CEP350: variants seen among roughly 807,000 people sequenced by gnomAD.
CEP350 encodes centrosomal protein 350, also known as centrosome-associated protein 350.
Under a neutral mutation model 331.8 loss-of-function variants are expected in CEP350, and 126 were observed. The ratio of observed to expected loss-of-function variants is 0.38; its 90% CI spans 0.33 to 0.44. The LOEUF is 0.44. CEP350 is among the 20% of genes least tolerant of loss of function. The pLI is 1.00. For synonymous variants in CEP350, 1,200 were observed against 1,259.5 expected, an observed-to-expected ratio of 0.95 and a Z score of 1.00; for missense variants, 3,406 against 3,634.6, an observed-to-expected ratio of 0.94 and a Z score of 1.62.
chr1:180,074,972 T>C (rs1379979797), intron 27 of CEP350, 50 bp from the exon 28 acceptor site: 15 of 1,490,532 alleles, frequency 1.0e-5, no homozygotes, highest in Middle Eastern at 1.8e-4. Flanking sequence ...CAAAGTGATC[T>C]CTGCATATAG....
intron 1 of CEP350, among the ~76,000 whole-genome samples, chr1:179,961,625 CTAACGTCCAGCTT>C (rs1650632433): frequency 6.6e-6 from 1 of 152,076 alleles, no homozygotes; most frequent in Non-Finnish European, 1.5e-5. Context: ...TGGTTGACTC[CTAACGTCCAGCTT>C]TAATACGGTT....
chr1:180,006,621 A>G (rs1163836420), intron 8 of CEP350, 54 bp downstream of exon 8: 1 of 895,266 alleles, frequency 1.1e-6, no homozygotes, highest in African/African-American at 1.7e-5. Flanking sequence ...TAATGTTTTC[A>G]TTATACTTTA....
Position 180,075,313 on chromosome 1 carries a change from G to A in CEP350, c.5767+92G>A, listed in dbSNP as rs115938547. The A allele has an allele frequency of 5.6e-4, 717 of 1,287,686 alleles. No individual in the cohort carries two copies. In the African/African-American group the frequency reaches 9.5e-3, roughly 17 times the overall value. 79.8% of individuals were successfully genotyped at this position (1,287,686 alleles called of 1,614,324 possible). ...TACTTTTAAAAATGCGAGGCTGGGCGCAGTGGCTCACGCCTGTAATCCTAA... is the reference window on the plus strand; with the variant it reads ...TACTTTTAAAAATGCGAGGCTGGGCACAGTGGCTCACGCCTGTAATCCTAA... On this transcript the variant is annotated intron_variant, in intron 28 of 37. Transcript: ENST00000367607.
chr1:179,976,009 AG>A (rs1186674861), intron 1 of CEP350, among the ~76,000 whole-genome samples: 1 of 152,200 alleles, frequency 6.6e-6, no homozygotes, highest in Admixed American at 6.5e-5. Flanking sequence ...TCAAGAGGCA[AG>A]GGAAACAGGA....
chr1:180,024,635 G>A, intron 14 of CEP350, 53 bp downstream of exon 14: 3 of 1,529,748 alleles, frequency 2.0e-6, no homozygotes, highest in South Asian at 2.4e-5. Context: ...TTTTGTTGTA[G>A]TAATCTAAAG....
chr1:180,033,986 C>T lies in CEP350; in HGVS notation c.3850C>T (p.Pro1284Ser), dbSNP rs1347444226. 2 of 1,613,820 alleles carry T rather than the reference C, an allele frequency of 1.2e-6. No individual in the cohort carries two copies. Among genetic ancestry groups the T allele is most frequent in the Non-Finnish European group, 1.7e-6 (2 of 1,179,804 alleles). The change falls in exon 16 of 38, where the codon CCT becomes TCT. Residue 1284 changes from proline (P) to serine (S), a missense_variant. Physicochemically the swap from Pro to Ser is moderately conservative, Grantham distance 74. Around this residue, in one of 5 missense-constraint regions of CEP350, gnomAD observed 1,857 missense variants for 1,909.2 expected, o/e 0.97. Coordinates refer to ENST00000367607, the MANE Select transcript of CEP350 (RefSeq NM_014810.5). ...SSERSKSSVM[P>S]PTITGFKPNA... ...AGAAAGATCTAAGTCGTCAGTAATGCCTCCAACTATAACAGGATTTAAGCC... is the reference window on the plus strand; with the variant it reads ...AGAAAGATCTAAGTCGTCAGTAATGTCTCCAACTATAACAGGATTTAAGCC...
chr1:179,992,173 T>C lies in CEP350; in HGVS notation c.347T>C (p.Val116Ala). 4 of 1,518,226 alleles carry C rather than the reference T, an allele frequency of 2.6e-6. No individual in the cohort carries two copies. The South Asian group carries it at 3.9e-5, about 15-fold the overall frequency. The allele number at this position is 1,518,226 out of a possible 1,614,324, so 94.0% of individuals were successfully genotyped here. A position where few individuals can be genotyped will look rare whatever the true frequency, so the allele number is the denominator to read the frequency against. The change falls in exon 5 of 38, where the codon GTG becomes GCG. Residue 116 changes from valine (V) to alanine (A), a missense_variant. By Grantham distance (64) the Val-to-Ala change is moderately conservative. Around this residue, in one of 5 missense-constraint regions of CEP350, gnomAD observed 1,857 missense variants for 1,909.2 expected, o/e 0.97. Transcript: ENST00000367607. ...PLRATTLESN[V>A]KKNNRVEFRE... is the part of the protein sequence containing the mutation. ...AGGGCCACCACCCTGGAGAGTAATG[T>C]GAAGAAAAATAATCGTGTGGAATTT... is the stretch of plus-strand genomic sequence containing the variant.
In CEP350 at chr1:180,094,186, T is replaced by C. The variant is rs771500917; in HGVS notation, c.8081T>C (p.Leu2694Ser). 2.5e-6 allele frequency: 4 copies of C among 1,613,232 alleles called. No homozygotes were observed. In the East Asian group the frequency reaches 6.7e-5, roughly 27 times the overall value. ...TTAGACAATACCTTTTCCGAAGAAT[T>C]GGAGAAGCAACAGCAGTTTACAGAA... ...DTLDNTFSEE[L>S]EKQQQFTEEE... The change falls in exon 34 of 38, where the codon TTG becomes TCG. Residue 2694 changes from leucine to serine, a missense_variant. Transcript: ENST00000367607.
Position 180,111,113 on chromosome 1 carries a change from T to G in CEP350, c.9306T>G (p.Asp3102Glu). The G allele has an allele frequency of 6.2e-7, 1 of 1,614,020 alleles. No homozygotes were observed. Among genetic ancestry groups the G allele is most frequent in the Non-Finnish European group, 8.5e-7 (1 of 1,179,894 alleles). Reference sequence around the variant, plus strand: ...AGACCCTGATCAAAGATACTATTGATGTTCTGAATCAGATCAGTGAAAAGC... The same window carrying G: ...AGACCCTGATCAAAGATACTATTGAGGTTCTGAATCAGATCAGTGAAAAGC... The part of the protein sequence containing the change: ...IFETLIKDTI[D>E]VLNQISEKQG... The change falls in exon 38 of 38, where the codon GAT becomes GAG. Residue 3102 changes from aspartate (D) to glutamate (E), a missense_variant. Transcript: ENST00000367607.
rs574265926 is a variant in CEP350, at chr1:179,987,306, A to T, written c.120+20A>T. ...GCTGCTGTAAGTAGTTTTAGCTTCC[A>T]TTTATTTATTTCTGGATTAAAATCA... On this transcript the variant is annotated intron_variant, in intron 3 of 37. Transcript: ENST00000367607. 7.8e-6 allele frequency: 11 copies of T among 1,413,150 alleles called. No individual in the cohort carries two copies. The highest frequency in any genetic ancestry group is 1.1e-5 in the Non-Finnish European group (11 of 1,011,302). The allele number at this position is 1,413,150 out of a possible 1,614,324, so 87.5% of individuals were successfully genotyped here.
At chr1:179,991,138 TA>T (rs1320155303) in intron 4 of CEP350, among the ~76,000 whole-genome samples, 1 of 151,920 alleles carries the variant, frequency 6.6e-6, no homozygotes, top group East Asian at 1.9e-4. Flanking sequence ...TTTTTTTTTT[TA>T]ATTCACAGAT....
chr1:179,963,490 T>C (rs1317164743), intron 1 of CEP350, among the ~76,000 whole-genome samples: 1 of 152,046 alleles, frequency 6.6e-6, no homozygotes, highest in Non-Finnish European at 1.5e-5. Flanking sequence ...TTTTTGTATG[T>C]GGTGAAAGGT....
intron 25 of CEP350, among the ~76,000 whole-genome samples, chr1:180,054,953 G>T (rs1204186669): frequency 6.6e-6 from 1 of 152,120 alleles, no homozygotes; most frequent in East Asian, 1.9e-4. Flanking sequence ...TGGTGTAGTG[G>T]TAAAGAATTC....
At chr1:180,059,605 C>T (rs969752885) in intron 25 of CEP350, among the ~76,000 whole-genome samples, 2 of 148,478 alleles carry the variant, frequency 1.3e-5, no homozygotes, top group Non-Finnish European at 3.0e-5. Context: ...AGTATTTGTG[C>T]ACTTGTTTGA....
Position 180,093,269 on chromosome 1 carries a change from T to C in CEP350, c.7164T>C (p.Ile2388=). 2 of 1,599,286 alleles carry C rather than the reference T, an allele frequency of 1.3e-6. No individual in the cohort carries two copies. The highest frequency in any genetic ancestry group is 8.5e-7 in the Non-Finnish European group (1 of 1,171,974). ...AAGTGTCTTCTTTCAAGAAAGAAAT[T>C]TCAGCTGAATTGTACAAAGATGATT... ...DFEVSSFKKE[I]SAELYKDDFE... Residue 2388 remains isoleucine, a synonymous_variant, in exon 34 of 38, where the codon ATT becomes ATC. Transcript: ENST00000367607.
intron 14 of CEP350, among the ~76,000 whole-genome samples, chr1:180,025,250 T>A (rs1571885048): frequency 2.0e-5 from 3 of 152,274 alleles, no homozygotes; most frequent in African/African-American, 4.8e-5. Flanking sequence ...GTTGGTTTTT[T>A]AAAAAAACTT....
rs755359398 is a variant in CEP350, at chr1:180,078,493, C to T, written c.5798C>T (p.Pro1933Leu). 1.2e-6 allele frequency: 2 copies of T among 1,613,210 alleles called. No individual in the cohort carries two copies. Among genetic ancestry groups the T allele is most frequent in the Non-Finnish European group, 1.7e-6 (2 of 1,179,598 alleles). Reference protein sequence around the residue: ...EIASEEESPVPLYSHLNSESS... With the variant: ...EIASEEESPVLLYSHLNSESS... Reference sequence around the variant, plus strand: ...GCAAGTGAAGAGGAATCTCCAGTACCTCTGTACTCTCATCTAAACAGTGAA... The same window carrying T: ...GCAAGTGAAGAGGAATCTCCAGTACTTCTGTACTCTCATCTAAACAGTGAA... Residue 1933 changes from proline (P) to leucine (L), a missense_variant, in exon 29 of 38, where the codon CCT (proline) becomes CTT (leucine). Pro to Leu is a moderately conservative substitution (Grantham distance 98). Transcript: ENST00000367607.
chr1:180,075,341 C>T lies in CEP350; in HGVS notation c.5767+120C>T, dbSNP rs925409253. The T allele has an allele frequency of 4.9e-6, 5 of 1,019,658 alleles. No individual in the cohort carries two copies. The African/African-American group carries it at 8.1e-5, about 17-fold the overall frequency. 63.2% of individuals were successfully genotyped at this position (1,019,658 alleles called of 1,614,324 possible). ...GTGGCTCACGCCTGTAATCCTAACA[C>T]TTTGGAAGGCCAAGGCCAGAGGATC... On this transcript the variant is annotated intron_variant, in intron 28 of 37. Transcript: ENST00000367607.
At chr1:180,055,549 T>C (rs1320543845) in intron 25 of CEP350, among the ~76,000 whole-genome samples, 24 of 138,820 alleles carry the variant, frequency 1.7e-4, no homozygotes, top group African/African-American at 6.5e-4. Flanking sequence ...ATTCCATCTT[T>C]TTTTTTTTTT....
Sources: gnomAD v4.1 joint callset for allele counts (sites outside exome capture counted in the v4.1 genomes callset) on GRCh38, gnomAD v4.1.1 for gene constraint, gnomAD v4.1.1 regional missense constraint, MANE v1.5 for transcripts, NCBI Gene and HGNC (gene_info 2026-07-23, HGNC 2026-07-21) for gene names.